SIRPA: variants seen among roughly 807,000 people sequenced by gnomAD.
SIRPA encodes signal regulatory protein alpha, also known as tyrosine-protein phosphatase non-receptor type substrate 1.
A neutral mutation model predicts 50.3 loss-of-function variants in SIRPA; 9 were observed. The observed-to-expected ratio is 0.18, with a 90% confidence interval of 0.11 to 0.31. The LOEUF is 0.31. Among genes scored for constraint, SIRPA ranks in the 10% least tolerant of loss-of-function variants. The pLI, the probability that SIRPA is intolerant of heterozygous loss-of-function variation, is 1.00. For missense variants in SIRPA, 474 were observed against 661.6 expected (o/e 0.72, Z 3.11); for synonymous variants, 265 against 284.1 (o/e 0.93, Z 0.68).
intron 7 of SIRPA, among the ~76,000 whole-genome samples, chr20:1,935,733 A>T (rs1025141921): frequency 2.0e-5 from 3 of 152,216 alleles, no homozygotes; most frequent in Non-Finnish European, 2.9e-5. Context: ...CACAGCAGAG[A>T]CTTACTGGGC....
intron 1 of SIRPA, among the ~76,000 whole-genome samples, chr20:1,903,523 T>G (rs1278274085): frequency 6.6e-6 from 1 of 152,164 alleles, no homozygotes; most frequent in African/African-American, 2.4e-5. Context: ...GTGAATCAAG[T>G]CATCTTTGGT....
At position 1,921,597 on chromosome 20, in the gene SIRPA, C is replaced by A; in HGVS notation, c.639C>A (p.Ala213=). The change falls in exon 3 of 8, where the codon GCC becomes GCA. Residue 213 remains alanine, a synonymous_variant. Coordinates refer to ENST00000358771, the MANE Select transcript of SIRPA (RefSeq NM_001040023.2). ...ESVSYSIHST[A]KVVLTREDVH... ...TGTCCTACAGCATCCACAGCACAGC[C>A]AAGGTGGTGCTGACCCGCGAGGACG... The A allele has an allele frequency of 6.2e-7, 1 of 1,614,246 alleles. No individual in the cohort carries two copies. The highest frequency in any genetic ancestry group is 1.1e-5 in the South Asian group (1 of 91,086).
At position 1,937,388 on chromosome 20, in the gene SIRPA, G is replaced by A. The variant is rs150776093; in HGVS notation, c.1335G>A (p.Ala445=). ...PKGKKPAPQA[A]EPNNHTEYAS... ...GGAAGAAGCCTGCTCCCCAGGCTGC[G>A]GAGCCCAACAACCACACGGAGTATG... is the stretch of plus-strand genomic sequence containing the variant. The change falls in exon 8 of 8, where the codon GCG becomes GCA. Residue 445 remains alanine, a synonymous_variant. Transcript: ENST00000358771. This position sits in a 1 kb window ranked among gnomAD's most constrained non-coding sequence, Gnocchi z 8.3. 80 of 1,613,922 alleles carry A rather than the reference G, an allele frequency of 5.0e-5. No individual in the cohort carries two copies. The highest frequency in any genetic ancestry group is 3.3e-4 in the African/African-American group (25 of 74,868).
chr20:1,931,830 G>A (rs777693526), intron 6 of SIRPA, among the ~76,000 whole-genome samples: 7 of 152,206 alleles, frequency 4.6e-5, no homozygotes, highest in Non-Finnish European at 1.0e-4. Flanking sequence ...AGAGAAAAAT[G>A]TGTCTCTGCT....
In SIRPA at chr20:1,927,622, T is replaced by A. The variant is rs181303340; in HGVS notation, c.1202-253T>A. Among the ~76,000 whole-genome samples, 1 of 152,184 alleles carries A rather than the reference T, an allele frequency of 6.6e-6. No homozygotes were observed. Among genetic ancestry groups the A allele is most frequent in the African/African-American group, 2.4e-5 (1 of 41,452 alleles). ...GTAGGGCGGTTGTCGCCTCCCAGGC[T>A]GAAGGCTGCTTTTGGACCCCTGGCA... On this transcript the variant is annotated intron_variant, in intron 5 of 7. Coordinates refer to ENST00000358771, the MANE Select transcript of SIRPA (RefSeq NM_001040023.2). The surrounding 1 kb of genome is among the most constrained non-coding windows in gnomAD (Gnocchi z 6.5).
intron 4 of SIRPA, 150 bp downstream of exon 4, chr20:1,922,795 C>A: frequency 1.1e-6 from 1 of 937,078 alleles, no homozygotes. Flanking sequence ...TCCATTTCCC[C>A]AAATCCCACA....
chr20:1,909,617 A>G (rs781308763), intron 1 of SIRPA, among the ~76,000 whole-genome samples: 3 of 152,138 alleles, frequency 2.0e-5, no homozygotes, highest in Non-Finnish European at 4.4e-5. Context: ...CTCCATCTCT[A>G]CTAAAAATAC....
chr20:1,923,410 G>A (rs192932760), intron 4 of SIRPA, among the ~76,000 whole-genome samples: 1 of 152,356 alleles, frequency 6.6e-6, no homozygotes, highest in Admixed American at 6.5e-5. Context: ...GGATTAGAAT[G>A]GAAGCCATTT....
chr20:1,912,283 C>T (rs1984937186), intron 1 of SIRPA, among the ~76,000 whole-genome samples: 1 of 152,244 alleles, frequency 6.6e-6, no homozygotes, highest in Non-Finnish European at 1.5e-5. Flanking sequence ...CCCTCACCAA[C>T]TGCTGACTCA....
At chr20:1,901,868 C>T (rs902713314) in intron 1 of SIRPA, among the ~76,000 whole-genome samples, 1 of 152,152 alleles carries the variant, frequency 6.6e-6, no homozygotes, top group South Asian at 2.1e-4. Context: ...CGGGAGTGAG[C>T]GATGGGCCTC....
At chr20:1,935,453 A>G (rs1396605919) in intron 7 of SIRPA, among the ~76,000 whole-genome samples, 1 of 152,262 alleles carries the variant, frequency 6.6e-6, no homozygotes, top group Non-Finnish European at 1.5e-5. Context: ...GGCAGTTGTC[A>G]TCTTTTTAGA....
At chr20:1,914,636 C>T (rs1363468682) in intron 1 of SIRPA, among the ~76,000 whole-genome samples, 1 of 152,124 alleles carries the variant, frequency 6.6e-6, no homozygotes, top group Admixed American at 6.5e-5. Flanking sequence ...CTACATTCTC[C>T]TACTGCCCAA....
At chr20:1,935,819 G>A (rs1416227457) in intron 7 of SIRPA, among the ~76,000 whole-genome samples, 1 of 152,184 alleles carries the variant, frequency 6.6e-6, no homozygotes, top group Non-Finnish European at 1.5e-5. Context: ...CGATTCCAGT[G>A]CCAGGTGCCA....
chr20:1,924,611 C>T lies in SIRPA; in HGVS notation c.1088-153C>T, dbSNP rs775136332. 1.3e-5 allele frequency among the ~76,000 whole-genome samples: 2 copies of T among 152,144 alleles called. No homozygotes were observed. Among genetic ancestry groups the T allele is most frequent in the African/African-American group, 2.4e-5 (1 of 41,430 alleles). On this transcript the variant is annotated intron_variant, in intron 4 of 7. Coordinates refer to ENST00000358771, the MANE Select transcript of SIRPA (RefSeq NM_001040023.2). The surrounding 1 kb of genome is among the most constrained non-coding windows in gnomAD (Gnocchi z 4.5). ...GTCTCGTGGGCAAGTGTGTACAGACCCATGAGTGTGCCCATGTGGCTCGAG... is the reference window on the plus strand; with the variant it reads ...GTCTCGTGGGCAAGTGTGTACAGACTCATGAGTGTGCCCATGTGGCTCGAG...
rs1195404719 is a variant in SIRPA at position 1,915,373 on chromosome 20, C to A, written c.354C>A (p.Thr118=). ...ACATCACCCCAGCAGATGCCGGCAC[C>A]TACTACTGTGTGAAGTTCCGGAAAG... is the stretch of plus-strand genomic sequence containing the variant. ...IGNITPADAG[T]YYCVKFRKGS... The change falls in exon 2 of 8, where the codon ACC becomes ACA. Residue 118 remains threonine (T), a synonymous_variant. Transcript: ENST00000358771. 3 of 1,609,746 alleles carry A rather than the reference C, an allele frequency of 1.9e-6. No individual in the cohort carries two copies. Among genetic ancestry groups the A allele is most frequent in the African/African-American group, 2.7e-5 (2 of 73,970 alleles).
At position 1,936,541 on chromosome 20, in the gene SIRPA, C is replaced by T. The variant is rs540143140; in HGVS notation, c.1267-779C>T. ...GGCTTTCTGACTCCAGAACGTTTCCCGCTTCACTAACTGGCGATCTCGTTC... is the reference window on the plus strand; with the variant it reads ...GGCTTTCTGACTCCAGAACGTTTCCTGCTTCACTAACTGGCGATCTCGTTC... On this transcript the variant is annotated intron_variant, in intron 7 of 7. Transcript: ENST00000358771. The surrounding 1 kb of genome is among the most constrained non-coding windows in gnomAD (Gnocchi z 4.2). Among the ~76,000 whole-genome samples the T allele has an allele frequency of 2.6e-5, 4 of 152,290 alleles. No homozygotes were observed. Among genetic ancestry groups the T allele is most frequent in the East Asian group, 1.9e-4 (1 of 5,166 alleles).
At chr20:1,900,219 GC>G (rs1157197217) in intron 1 of SIRPA, among the ~76,000 whole-genome samples, 3 of 150,922 alleles carry the variant, frequency 2.0e-5, no homozygotes, top group Non-Finnish European at 4.4e-5. Context: ...TCCTGCCTCA[GC>G]CTCCCGAGTA....
At chr20:1,894,385 T>C (rs969455894), upstream of SIRPA, 4 of 151,776 alleles carry the variant, frequency 2.6e-5, no homozygotes, top group Non-Finnish European at 4.4e-5. The surrounding 1 kb of genome is among the most constrained non-coding windows in gnomAD (Gnocchi z 4.0). Context: ...CCGGTCCACC[T>C]TAAGAGGACG....
chr20:1,896,222 C>T (rs371042376), intron 1 of SIRPA, among the ~76,000 whole-genome samples: 6 of 152,250 alleles, frequency 3.9e-5, no homozygotes, highest in African/African-American at 1.4e-4. Flanking sequence ...CTTCCTCCTG[C>T]CTTCCCCGAG....
Sources: allele counts gnomAD v4.1 joint callset (sites outside exome capture counted in the v4.1 genomes callset), GRCh38; gene constraint gnomAD v4.1.1; non-coding constraint Gnocchi (gnomAD v3.1); transcripts MANE v1.5; gene names NCBI Gene and HGNC (gene_info 2026-07-23, HGNC 2026-07-21).